NBEA: variants seen among roughly 807,000 people sequenced by gnomAD.
NBEA encodes the protein lysosomal-trafficking regulator 2.
NBEA carries 44 observed loss-of-function variants against 343.4 expected under a neutral mutation model. The ratio of observed to expected loss-of-function variants is 0.13; its 90% CI spans 0.10 to 0.16. NBEA has a LOEUF of 0.16. Among genes scored for constraint, NBEA ranks in the 10% least tolerant of loss-of-function variants. NBEA has a pLI of 1.00. For missense variants in NBEA, 2,555 were observed against 3,631.3 expected (o/e 0.70, Z 7.62); for synonymous variants, 1,175 against 1,238.7 (o/e 0.95, Z 1.08).
Position 35,671,042 on chromosome 13 carries a change from C to T in NBEA, c.*51C>T, listed in dbSNP as rs2085595994. The T allele has an allele frequency of 3.0e-6, 4 of 1,312,890 alleles. No homozygotes were observed. In the South Asian group the frequency reaches 5.1e-5, roughly 17 times the overall value. 81.3% of individuals were successfully genotyped at this position (1,312,890 alleles called of 1,614,324 possible). A position where few individuals can be genotyped will look rare whatever the true frequency, so the allele number is the denominator to read the frequency against. ...GTTAAAGCTGAGAGCACAAGTGCTG[C>T]ATGGAAAGGCAATATCTCTGGTGGA... On this transcript the variant is annotated 3_prime_UTR_variant, in exon 59 of 59. Coordinates refer to ENST00000379939, the MANE Select transcript of NBEA (RefSeq NM_001385012.1).
intron 1 of NBEA, among the ~76,000 whole-genome samples, chr13:34,952,092 A>G (rs1487343468): frequency 6.6e-6 from 1 of 152,218 alleles, no homozygotes; most frequent in Non-Finnish European, 1.5e-5. Flanking sequence ...AGACAAGGTT[A>G]TCTAGGTACT....
At chr13:35,631,681 C>T (rs9788362) in intron 49 of NBEA, among the ~76,000 whole-genome samples, 27,925 of 144,156 alleles carry the variant, frequency 0.19, 3,218 homozygotes, top group East Asian at 0.45. Context: ...TTGCCTATAA[C>T]TTTGAGTTTT....
intron 38 of NBEA, among the ~76,000 whole-genome samples, chr13:35,365,912 G>A (rs966458829): frequency 2.6e-5 from 4 of 151,486 alleles, no homozygotes; most frequent in Non-Finnish European, 5.9e-5. Context: ...ATTAGATTGT[G>A]GAGCATTTTC....
chr13:35,205,000 G>A (rs2073288958), intron 31 of NBEA, among the ~76,000 whole-genome samples: 1 of 152,038 alleles, frequency 6.6e-6, no homozygotes, highest in Non-Finnish European at 1.5e-5. Context: ...ATGAATAGTT[G>A]CTAATACCAA....
chr13:35,043,463 A>G (rs1016038524), intron 2 of NBEA, among the ~76,000 whole-genome samples: 6 of 151,932 alleles, frequency 3.9e-5, no homozygotes, highest in African/African-American at 1.4e-4. Flanking sequence ...AATACTTCAT[A>G]TTATAGCAAC....
chr13:35,197,320 T>C (rs1024310726), intron 31 of NBEA, among the ~76,000 whole-genome samples: 2 of 151,812 alleles, frequency 1.3e-5, no homozygotes, highest in African/African-American at 4.8e-5. Context: ...CAAGCAAGTG[T>C]TTTTTTTGTT....
intron 34 of NBEA, among the ~76,000 whole-genome samples, chr13:35,261,932 G>A (rs2033251983): frequency 6.6e-6 from 1 of 152,122 alleles, no homozygotes; most frequent in South Asian, 2.1e-4. Flanking sequence ...TAAGTAAAGT[G>A]TTTAAAAGCA....
intron 11 of NBEA, among the ~76,000 whole-genome samples, chr13:35,107,248 C>G (rs1357069092): frequency 2.0e-5 from 3 of 151,070 alleles, no homozygotes; most frequent in Admixed American, 1.3e-4. Flanking sequence ...CCGATCTTTA[C>G]TTTTTAAACT....
At chr13:35,402,092 A>G (rs993924292) in intron 38 of NBEA, among the ~76,000 whole-genome samples, 2 of 152,046 alleles carry the variant, frequency 1.3e-5, no homozygotes, top group African/African-American at 4.8e-5. Flanking sequence ...AATTGGGGAA[A>G]TAGTTTAAAA....
intron 34 of NBEA, among the ~76,000 whole-genome samples, chr13:35,259,027 A>C (rs1350772901): frequency 6.6e-6 from 1 of 152,202 alleles, no homozygotes; most frequent in Non-Finnish European, 1.5e-5. Context: ...GATGCGTTCA[A>C]CTTACAGTGG....
At chr13:35,211,268 G>A (rs999025376) in intron 33 of NBEA, 89 bp downstream of exon 33, 8 of 1,103,546 alleles carry the variant, frequency 7.2e-6, no homozygotes, top group Non-Finnish European at 1.0e-5. Flanking sequence ...AAGAGTTCTT[G>A]AGAATGAAGG....
intron 55 of NBEA, among the ~76,000 whole-genome samples, chr13:35,659,160 T>C (rs1338075199): frequency 6.6e-6 from 1 of 152,246 alleles, no homozygotes; most frequent in Non-Finnish European, 1.5e-5. Context: ...CCTTAGGTTT[T>C]GGAGGTTGTA....
intron 20 of NBEA, 27 bp downstream of exon 20, chr13:35,156,233 A>G (rs1031069647): frequency 6.6e-7 from 1 of 1,510,334 alleles, no homozygotes. Flanking sequence ...CTGTAACAAC[A>G]CTTTATTCCA....
At chr13:35,097,700 A>G (rs1371850444) in intron 10 of NBEA, among the ~76,000 whole-genome samples, 1 of 151,782 alleles carries the variant, frequency 6.6e-6, no homozygotes, top group African/African-American at 2.4e-5. Context: ...ATATTGTGTA[A>G]TTGTCACTTT....
At position 35,444,648 on chromosome 13, in the gene NBEA, C is replaced by G. The variant is rs142164467; in HGVS notation, c.6305-7444C>G. Among the ~76,000 whole-genome samples, 39 of 152,062 alleles carry G rather than the reference C, an allele frequency of 2.6e-4. No individual in the cohort carries two copies. In the East Asian group the frequency reaches 7.3e-3, roughly 29 times the overall value. On this transcript the variant is annotated intron_variant, in intron 39 of 58. Transcript: ENST00000379939. ...ACATTTAGGTAAAAATAAAATTAGA[C>G]CAGATTTCTATTCTGCCAGTGTCCT... is the stretch of plus-strand genomic sequence containing the variant.
At chr13:35,601,061 C>T (rs2082020908) in intron 47 of NBEA, among the ~76,000 whole-genome samples, 1 of 152,094 alleles carries the variant, frequency 6.6e-6, no homozygotes. Flanking sequence ...CCTGTAATCC[C>T]AGCTACTCGG....
At chr13:35,620,011 G>T (rs2082910371) in intron 48 of NBEA, among the ~76,000 whole-genome samples, 4 of 152,116 alleles carry the variant, frequency 2.6e-5, no homozygotes. Context: ...GGAACACAAG[G>T]ATGAGCAACT....
At chr13:35,458,701 A>G (rs1239452239) in intron 40 of NBEA, among the ~76,000 whole-genome samples, 1 of 152,198 alleles carries the variant, frequency 6.6e-6, no homozygotes, top group Non-Finnish European at 1.5e-5. Flanking sequence ...TTTCCAGGAT[A>G]GGAACAGCTA....
At chr13:35,102,348 G>C (rs984506334) in intron 11 of NBEA, among the ~76,000 whole-genome samples, 38 of 151,612 alleles carry the variant, frequency 2.5e-4, no homozygotes, top group Middle Eastern at 3.2e-3. Context: ...ATATTTAAGA[G>C]TATGTCATCT....
Sources: allele counts gnomAD v4.1 joint callset (sites outside exome capture counted in the v4.1 genomes callset), GRCh38; gene constraint gnomAD v4.1.1; transcripts MANE v1.5; gene names NCBI Gene and HGNC (gene_info 2026-07-23, HGNC 2026-07-21).